EMP3: variants seen among roughly 807,000 people sequenced by gnomAD.
EMP3 encodes epithelial membrane protein 3 (MAM blood group).
Under a neutral mutation model 21.6 loss-of-function variants are expected in EMP3, and 15 were observed. The observed-to-expected ratio is 0.69, with a 90% CI of 0.46 to 1.07. The LOEUF is 1.07. EMP3 is among the 50% of genes least tolerant of loss of function. The probability of loss-of-function intolerance (pLI) is 0.00; values close to 1 mark genes in which losing one functional copy is unlikely to be tolerated. For missense variants in EMP3, 183 were observed against 206.6 expected (o/e 0.89, Z 0.70); for synonymous variants, 107 against 86.1 (o/e 1.24, Z -1.34).
chr19:48,327,365 C>G (rs1748855090), intron 2 of EMP3, among the ~76,000 whole-genome samples, 156 bp from the exon 3 acceptor site: 2 of 152,128 alleles, frequency 1.3e-5, no homozygotes, highest in African/African-American at 4.8e-5. Flanking sequence ...CCTCCCTGTC[C>G]TGACCCTACC....
chr19:48,327,625 T>C lies in EMP3; in HGVS notation c.181+2T>C, dbSNP rs1372215797. On this transcript the variant is annotated splice_donor_variant, in intron 3 of 4. Coordinates refer to ENST00000270221, the MANE Select transcript of EMP3 (RefSeq NM_001425.3). LOFTEE classifies it high-confidence loss of function. Reference sequence around the variant, plus strand: ...CCTGCAGTAATGTCAGCGAGAATGGTGAGGGGTGAGGGCGGCGGGACTGGT... The same window carrying C: ...CCTGCAGTAATGTCAGCGAGAATGGCGAGGGGTGAGGGCGGCGGGACTGGT... 2 of 1,613,050 alleles carry C rather than the reference T, an allele frequency of 1.2e-6. No homozygotes were observed. Among genetic ancestry groups the C allele is most frequent in the South Asian group, 1.1e-5 (1 of 90,882 alleles).
chr19:48,330,326 G>A lies in EMP3; in HGVS notation c.348G>A (p.Leu116=). ...GCGTGGCGGTGTTTACTGGCGCCTT[G>A]ATCTATGCCATTCACGCCGAGGAGA... ...CTSVAVFTGA[L]IYAIHAEEIL... The change falls in exon 5 of 5, where the codon TTG becomes TTA. Residue 116 remains leucine, a synonymous_variant. Transcript: ENST00000270221. The A allele has an allele frequency of 6.2e-7, 1 of 1,601,556 alleles. No individual in the cohort carries two copies. Among genetic ancestry groups the A allele is most frequent in the Non-Finnish European group, 8.5e-7 (1 of 1,174,654 alleles).
At position 48,330,552 on chromosome 19, in the gene EMP3, G is replaced by A; in HGVS notation, c.*82G>A. On this transcript the variant is annotated 3_prime_UTR_variant, in exon 5 of 5. Coordinates refer to ENST00000270221, the MANE Select transcript of EMP3 (RefSeq NM_001425.3). ...CTCCAAAAAATAAAACCTTAACCGC[G>A]GGCTCTGCCTTGATCTTCCTTCCTT... 7.7e-7 allele frequency: 1 copy of A among 1,291,828 alleles called. No homozygotes were observed. Among genetic ancestry groups the A allele is most frequent in the East Asian group, 2.8e-5 (1 of 35,852 alleles). The allele number at this position is 1,291,828 out of a possible 1,614,324, so 80.0% of individuals were successfully genotyped here.
Position 48,329,133 on chromosome 19 carries a change from A to G in EMP3, c.182-219A>G. On this transcript the variant is annotated intron_variant, in intron 3 of 4. Transcript: ENST00000270221. The surrounding 1 kb of genome is among the most constrained non-coding windows in gnomAD (Gnocchi z 4.5). ...CAAGACCTGGTTTCAGAAAAAAAAGAAAAAGGAAATTGGCAAAGCAACTAC... is the reference window on the plus strand; with the variant it reads ...CAAGACCTGGTTTCAGAAAAAAAAGGAAAAGGAAATTGGCAAAGCAACTAC... 1.8e-6 allele frequency: 1 copy of G among 570,394 alleles called. No homozygotes were observed. Among genetic ancestry groups the G allele is most frequent in the Non-Finnish European group, 3.0e-6 (1 of 330,780 alleles). The allele number at this position is 570,394 out of a possible 1,614,324, so 35.3% of individuals were successfully genotyped here.
At chr19:48,327,431 C>A in intron 2 of EMP3, 90 bp from the exon 3 acceptor site, 1 of 896,216 alleles carries the variant, frequency 1.1e-6, no homozygotes, top group South Asian at 1.4e-5. Flanking sequence ...AGATACCCTG[C>A]CCTTTTCCCA....
Position 48,325,559 on chromosome 19 carries a change from C to G in EMP3, c.-67C>G, listed in dbSNP as rs1368377416. ...AGGAGAAGGGCGGGGCACGGAGGCCCGAGCGAGGGACAAGACTCCGACTCC... is the reference window on the plus strand; with the variant it reads ...AGGAGAAGGGCGGGGCACGGAGGCCGGAGCGAGGGACAAGACTCCGACTCC... On this transcript the variant is annotated 5_prime_UTR_variant, in exon 1 of 5. Coordinates refer to ENST00000270221, the MANE Select transcript of EMP3 (RefSeq NM_001425.3). 1.3e-5 allele frequency: 2 copies of G among 151,602 alleles called. No homozygotes were observed. The highest frequency in any genetic ancestry group is 2.4e-5 in the African/African-American group (1 of 41,202). 9.4% of individuals were successfully genotyped at this position (151,602 alleles called of 1,614,324 possible).
Position 48,330,286 on chromosome 19 carries a change from T to G in EMP3, c.323-15T>G. 1 of 1,571,100 alleles carries G rather than the reference T, an allele frequency of 6.4e-7. No homozygotes were observed. Among genetic ancestry groups the G allele is most frequent in the South Asian group, 1.1e-5 (1 of 87,622 alleles). On this transcript the variant is annotated splice_polypyrimidine_tract_variant and intron_variant, in intron 4 of 4. Coordinates refer to ENST00000270221, the MANE Select transcript of EMP3 (RefSeq NM_001425.3). ...GAGGGGGCACTGCATGACGTGTGGT[T>G]TTCATCTTCCGCAGGCGTGGCGGTG...
chr19:48,327,584 G>A lies in EMP3; in HGVS notation c.142G>A (p.Asp48Asn), dbSNP rs775165167. ...NLWYDCTWNN[D>N]TKTWACSNVS... ...CTGGTACGACTGCACGTGGAACAACGACACCAAAACATGGGCCTGCAGTAA... is the reference window on the plus strand; with the variant it reads ...CTGGTACGACTGCACGTGGAACAACAACACCAAAACATGGGCCTGCAGTAA... Residue 48 changes from aspartate (D) to asparagine (N), a missense_variant, in exon 3 of 5, where the codon GAC becomes AAC. Coordinates refer to ENST00000270221, the MANE Select transcript of EMP3 (RefSeq NM_001425.3). 5.6e-6 allele frequency: 9 copies of A among 1,613,816 alleles called. No homozygotes were observed. The highest frequency in any genetic ancestry group is 2.2e-5 in the East Asian group (1 of 44,886).
At chr19:48,328,888 G>A (rs1195267047) in intron 3 of EMP3, among the ~76,000 whole-genome samples, 1 of 152,204 alleles carries the variant, frequency 6.6e-6, no homozygotes, top group Non-Finnish European at 1.5e-5. Context: ...TTGGGAGGCT[G>A]AGGAGGAAGG....
At chr19:48,328,467 C>T (rs1161956001) in intron 3 of EMP3, among the ~76,000 whole-genome samples, 1 of 143,094 alleles carries the variant, frequency 7.0e-6, no homozygotes, top group Non-Finnish European at 1.5e-5. Context: ...TCTGAGAAGA[C>T]AAGAGTATTT....
At chr19:48,326,774 G>A in intron 1 of EMP3, 56 bp from the exon 2 acceptor site, 1 of 1,462,112 alleles carries the variant, frequency 6.8e-7, no homozygotes. Context: ...ATAGGCGTGA[G>A]TGTGCCTGGC....
intron 4 of EMP3, 103 bp from the exon 5 acceptor site, chr19:48,330,198 G>A (rs1969183084): frequency 6.9e-7 from 1 of 1,440,126 alleles, no homozygotes; most frequent in Non-Finnish European, 9.1e-7. Context: ...AGCAGGCAGC[G>A]GCGCTGCCCA....
chr19:48,329,554 G>A lies in EMP3; in HGVS notation c.322+62G>A, dbSNP rs1969175350. On this transcript the variant is annotated intron_variant, in intron 4 of 4. Coordinates refer to ENST00000270221, the MANE Select transcript of EMP3 (RefSeq NM_001425.3). This position sits in a 1 kb window ranked among gnomAD's most constrained non-coding sequence, Gnocchi z 4.5. ...AATTGAGCAGAAGGGAGTGGGGTGT[G>A]TCAAGATGCTGGGGGCCCTGAGAAT... 3.2e-6 allele frequency: 5 copies of A among 1,585,304 alleles called. No homozygotes were observed. The highest frequency in any genetic ancestry group is 3.4e-6 in the Non-Finnish European group (4 of 1,162,190).
Position 48,327,622 on chromosome 19 carries a change from T to TGGTGAGG in EMP3, c.181+8_181+14dup. 1 of 1,613,430 alleles carries TGGTGAGG rather than the reference T, an allele frequency of 6.2e-7. No individual in the cohort carries two copies. Among genetic ancestry groups the TGGTGAGG allele is most frequent in the Non-Finnish European group, 8.5e-7 (1 of 1,179,726 alleles). On this transcript the variant is annotated frameshift_variant and splice_region_variant, in exon 3 of 5. Transcript: ENST00000270221. LOFTEE classifies it high-confidence loss of function. ...GGGCCTGCAGTAATGTCAGCGAGAA[T>TGGTGAGG]GGTGAGGGGTGAGGGCGGCGGGACT...
intron 3 of EMP3, 182 bp downstream of exon 3, chr19:48,327,805 T>A: frequency 3.4e-6 from 2 of 579,980 alleles, no homozygotes; most frequent in South Asian, 4.5e-5. Flanking sequence ...TACCTCTTGT[T>A]TTTTTTGTTT....
chr19:48,330,512 C>A lies in EMP3; in HGVS notation c.*42C>A. The A allele has an allele frequency of 1.3e-6, 2 of 1,514,870 alleles. No individual in the cohort carries two copies. Among genetic ancestry groups the A allele is most frequent in the Middle Eastern group, 4.2e-4 (2 of 4,806 alleles). 93.8% of individuals were successfully genotyped at this position (1,514,870 alleles called of 1,614,324 possible). On this transcript the variant is annotated 3_prime_UTR_variant, in exon 5 of 5. Transcript: ENST00000270221. ...GGCTGCCCCCGCCCCTTCCCGGCCC[C>A]CCTCGCCGCGCGTCCTCCAAAAAAT...
intron 1 of EMP3, among the ~76,000 whole-genome samples, chr19:48,325,822 A>G (rs1722144290): frequency 6.6e-6 from 1 of 151,902 alleles, no homozygotes; most frequent in Admixed American, 6.6e-5. Context: ...CCTCCACTGG[A>G]AAACTTCCTG....
chr19:48,326,879 A>C lies in EMP3; in HGVS notation c.35A>C (p.His12Pro), dbSNP rs1969131633. 6.2e-7 allele frequency: 1 copy of C among 1,613,594 alleles called. No individual in the cohort carries two copies. ...SLLLLVVSAL[H>P]ILILILLFVA... ...CTCTTGCTGGTGGTCTCAGCCCTTC[A>C]CATCCTCATTCTTATACTGCTTTTC... Residue 12 changes from histidine (H) to proline (P), a missense_variant, in exon 2 of 5, where the codon CAC becomes CCC. Physicochemically the swap from His to Pro is moderately conservative, Grantham distance 77. Transcript: ENST00000270221.
chr19:48,330,316 C>T lies in EMP3; in HGVS notation c.338C>T (p.Thr113Ile), dbSNP rs777512846. 21 of 1,590,114 alleles carry T rather than the reference C, an allele frequency of 1.3e-5. No individual in the cohort carries two copies. The South Asian group carries it at 2.0e-4, about 15-fold the overall frequency. Residue 113 changes from threonine to isoleucine, a missense_variant, in exon 5 of 5, where the codon ACT (threonine) becomes ATT (isoleucine). Transcript: ENST00000270221. The stretch of plus-strand genomic sequence containing the variant: ...TCTTCCGCAGGCGTGGCGGTGTTTA[C>T]TGGCGCCTTGATCTATGCCATTCAC... Reference protein sequence around the residue: ...CQLCTSVAVFTGALIYAIHAE... With the variant: ...CQLCTSVAVFIGALIYAIHAE...
Sources: gnomAD v4.1 joint callset for allele counts (sites outside exome capture counted in the v4.1 genomes callset) on GRCh38, gnomAD v4.1.1 for gene constraint, Gnocchi (gnomAD v3.1) non-coding constraint, MANE v1.5 for transcripts, NCBI Gene and HGNC (gene_info 2026-07-23, HGNC 2026-07-21) for gene names.